The following RBFOX1 variants were observed in gnomAD, a reference collection of about 807,000 sequenced individuals.
The protein encoded by RBFOX1 is RNA binding protein fox-1 homolog 1.
Under a neutral mutation model 57.7 loss-of-function variants are expected in RBFOX1, and 8 were observed. The ratio of observed to expected loss-of-function variants is 0.14; its 90% CI spans 0.08 to 0.25. The LOEUF (loss-of-function observed/expected upper bound fraction) is 0.25, where lower values mean the gene tolerates loss of function less well. RBFOX1 is among the 10% of genes least tolerant of loss of function. RBFOX1 has a pLI of 1.00. For synonymous variants in RBFOX1, 326 were observed against 222.4 expected, an observed-to-expected ratio of 1.47 and a Z score of -4.15; for missense variants, 611 against 548.5, an observed-to-expected ratio of 1.11 and a Z score of -1.14.
intron 1 of RBFOX1, among the ~76,000 whole-genome samples, chr16:5,413,104 T>A (rs1469286731): frequency 7.2e-5 from 11 of 152,162 alleles, no homozygotes; most frequent in Admixed American, 6.5e-5. Flanking sequence ...CCCATCACGA[T>A]GCTTACGGTT....
intron 1 of RBFOX1, among the ~76,000 whole-genome samples, chr16:6,096,448 G>T (rs1226445110): frequency 1.6e-4 from 24 of 152,066 alleles, no homozygotes; most frequent in Non-Finnish European, 1.5e-5. Context: ...ATCTCTTTAG[G>T]ACTGCTGATG....
At chr16:5,336,189 C>T (rs773906872) in intron 1 of RBFOX1, among the ~76,000 whole-genome samples, 2 of 152,032 alleles carry the variant, frequency 1.3e-5, no homozygotes, top group African/African-American at 4.8e-5. Context: ...GACCAGTGGA[C>T]AGAAAGCCAG....
At chr16:6,105,322 G>A (rs1244359515) in intron 1 of RBFOX1, among the ~76,000 whole-genome samples, 2 of 152,146 alleles carry the variant, frequency 1.3e-5, no homozygotes, top group Non-Finnish European at 2.9e-5. Flanking sequence ...TCTATTGCTA[G>A]AAGGTACTTG....
At chr16:6,862,526 T>A (rs1252408876) in intron 3 of RBFOX1, among the ~76,000 whole-genome samples, 1 of 152,190 alleles carries the variant, frequency 6.6e-6, no homozygotes, top group Non-Finnish European at 1.5e-5. Context: ...ACCAGCAGAA[T>A]GGAGGTGATA....
intron 2 of RBFOX1, among the ~76,000 whole-genome samples, chr16:5,502,906 T>C (rs956515946): frequency 6.6e-6 from 1 of 152,202 alleles, no homozygotes; most frequent in Non-Finnish European, 1.5e-5. Context: ...ATACAGTCCC[T>C]AGAAAGATGG....
chr16:5,484,462 C>A (rs1019081524), intron 2 of RBFOX1, among the ~76,000 whole-genome samples: 4 of 152,342 alleles, frequency 2.6e-5, no homozygotes, highest in African/African-American at 7.2e-5. Context: ...ACACCCCATT[C>A]CCTCTGCTTT....
chr16:6,668,363 G>T (rs2098745346), intron 3 of RBFOX1, among the ~76,000 whole-genome samples: 1 of 152,178 alleles, frequency 6.6e-6, no homozygotes, highest in Admixed American at 6.5e-5. Flanking sequence ...TAGTTTAGTT[G>T]TTTCTGTCAC....
At chr16:6,589,347 T>C (rs548118097) in intron 2 of RBFOX1, among the ~76,000 whole-genome samples, 5 of 152,220 alleles carry the variant, frequency 3.3e-5, no homozygotes, top group Non-Finnish European at 7.3e-5. Flanking sequence ...CGTGTTGTTA[T>C]TACTCAAATT....
intron 3 of RBFOX1, among the ~76,000 whole-genome samples, chr16:6,971,310 T>G (rs1461040396): frequency 6.6e-6 from 1 of 152,084 alleles, no homozygotes; most frequent in Non-Finnish European, 1.5e-5. Flanking sequence ...AGCGAGGACA[T>G]GTCAGCCACA....
intron 1 of RBFOX1, among the ~76,000 whole-genome samples, chr16:6,269,746 C>T (rs935723962): frequency 6.6e-6 from 1 of 152,016 alleles, no homozygotes; most frequent in Admixed American, 6.6e-5. Context: ...AAGAAATTTT[C>T]TAAACAGAAA....
chr16:6,488,017 A>G (rs2095544432), intron 2 of RBFOX1, among the ~76,000 whole-genome samples: 1 of 152,072 alleles, frequency 6.6e-6, no homozygotes, highest in African/African-American at 2.4e-5. Context: ...ATACACTCAA[A>G]AAGCTCATCT....
chr16:6,562,876 C>CTTTG (rs755324493), intron 2 of RBFOX1, among the ~76,000 whole-genome samples: 3 of 48,432 alleles, frequency 6.2e-5, no homozygotes, highest in Middle Eastern at 0.017. Flanking sequence ...TTCTTTCTTT[C>CTTTG]TTTCTTTTTT....
chr16:7,122,434 A>G (rs1000379217), intron 4 of RBFOX1, among the ~76,000 whole-genome samples: 3 of 152,112 alleles, frequency 2.0e-5, no homozygotes, highest in Non-Finnish European at 4.4e-5. Flanking sequence ...TTCATCAGGC[A>G]AAAACCTAAA....
chr16:5,610,973 C>T (rs7205667), intron 3 of RBFOX1, among the ~76,000 whole-genome samples: 1 of 152,156 alleles, frequency 6.6e-6, no homozygotes, highest in Non-Finnish European at 1.5e-5. Flanking sequence ...GGCTAAAATC[C>T]AAACTCCTTG....
At chr16:5,441,234 T>G (rs1465826676) in intron 1 of RBFOX1, among the ~76,000 whole-genome samples, 2 of 152,202 alleles carry the variant, frequency 1.3e-5, no homozygotes, top group East Asian at 3.8e-4. Context: ...ATTTACTCAT[T>G]AACTCCTTCT....
intron 4 of RBFOX1, among the ~76,000 whole-genome samples, chr16:7,111,785 C>T (rs2064832154): frequency 6.6e-6 from 1 of 151,768 alleles, no homozygotes; most frequent in South Asian, 2.1e-4. Flanking sequence ...AAGGTTCTGG[C>T]CAATCTATTT....
chr16:6,789,501 T>G (rs1364252065), intron 3 of RBFOX1, among the ~76,000 whole-genome samples: 2 of 152,186 alleles, frequency 1.3e-5, no homozygotes, highest in Non-Finnish European at 2.9e-5. Flanking sequence ...CATTTCATTC[T>G]CAGTTATTAC....
chr16:5,587,827 TGTC>T, intron 2 of RBFOX1, among the ~76,000 whole-genome samples: 1 of 152,188 alleles, frequency 6.6e-6, no homozygotes. Flanking sequence ...AGCAAAGAGT[TGTC>T]GTATAAGCCA....
chr16:6,397,159 G>C lies in RBFOX1; in HGVS notation c.-64+80102G>C, dbSNP rs187174751. On this transcript the variant is annotated intron_variant, in intron 2 of 15. Transcript: ENST00000550418. ...AATAGTTGAAATTTCTTCAAATTTG[G>C]TGAAATACTTTCAAGAAGCTCAAGA... Among the ~76,000 whole-genome samples the C allele has an allele frequency of 5.9e-5, 9 of 152,240 alleles. No homozygotes were observed. The East Asian group carries it at 1.7e-3, about 29-fold the overall frequency.
Sources: allele counts gnomAD v4.1 joint callset (sites outside exome capture counted in the v4.1 genomes callset), GRCh38; gene constraint gnomAD v4.1.1; transcripts MANE v1.5; gene names NCBI Gene and HGNC (gene_info 2026-07-23, HGNC 2026-07-21).